MTUS1: variants seen among roughly 807,000 people sequenced by gnomAD.
The protein encoded by MTUS1 is microtubule associated scaffold protein 1.
MTUS1 carries 109 observed loss-of-function variants against 120.8 expected under a neutral mutation model. The ratio of observed to expected loss-of-function variants is 0.90; its 90% CI spans 0.77 to 1.06. MTUS1 has a LOEUF of 1.06. Ranked by LOEUF, MTUS1 falls within the 50% of genes least tolerant of loss-of-function variation. The pLI is 0.00. For synonymous variants in MTUS1, 737 were observed against 550.5 expected (o/e 1.34, Z -4.74); for missense variants, 2,210 against 1,486.3 (o/e 1.49, Z -8.01).
chr8:17,657,545 G>A (rs1179223431), intron 8 of MTUS1, among the ~76,000 whole-genome samples: 2 of 150,702 alleles, frequency 1.3e-5, no homozygotes, highest in Non-Finnish European at 3.0e-5. Flanking sequence ...TCCAGCCTGG[G>A]CGACAGAGAG....
At chr8:17,780,820 C>T (rs1395765296) in intron 1 of MTUS1, 1 of 152,178 alleles carries the variant, frequency 6.6e-6, no homozygotes, top group African/African-American at 2.4e-5. Context: ...CCTCCTATCA[C>T]ATCTAATACA....
chr8:17,713,243 C>T lies in MTUS1; in HGVS notation c.2594G>A (p.Arg865Lys). 1 of 1,579,280 alleles carries T rather than the reference C, an allele frequency of 6.3e-7. No individual in the cohort carries two copies. The highest frequency in any genetic ancestry group is 8.7e-7 in the Non-Finnish European group (1 of 1,150,932). ...LMKTPPKGPS[R>K]KNLFTALNAV... ...ATTAAGAGCTGTAAATAAATTTTTT[C>T]TCGAAGGACCTAAGATATAAAAGAA... The change falls in exon 6 of 15, where the codon AGA becomes AAA. Residue 865 changes from arginine (R) to lysine (K), a missense_variant. Transcript: ENST00000693296.
chr8:17,762,893 A>T (rs1401003559), intron 1 of MTUS1, among the ~76,000 whole-genome samples: 1 of 152,080 alleles, frequency 6.6e-6, no homozygotes, highest in Non-Finnish European at 1.5e-5. Context: ...GCCACCTTGG[A>T]TTAGCAAAGA....
intron 8 of MTUS1, among the ~76,000 whole-genome samples, chr8:17,662,529 GT>G (rs925127785): frequency 1.3e-5 from 2 of 151,508 alleles, no homozygotes; most frequent in Non-Finnish European, 2.9e-5. Flanking sequence ...CTAATTTTTT[GT>G]TTTTTAGTAG....
At chr8:17,696,667 C>T (rs903475903) in intron 6 of MTUS1, among the ~76,000 whole-genome samples, 1 of 152,106 alleles carries the variant, frequency 6.6e-6, no homozygotes, top group African/African-American at 2.4e-5. Context: ...TAAGCAGATA[C>T]AAACATAAAC....
At chr8:17,707,114 C>G (rs530129172) in intron 6 of MTUS1, among the ~76,000 whole-genome samples, 1 of 152,270 alleles carries the variant, frequency 6.6e-6, no homozygotes, top group African/African-American at 2.4e-5. Context: ...TGTGTGGAGG[C>G]AATGTCTTCT....
Position 17,743,753 on chromosome 8 carries a change from T to G in MTUS1, c.2138A>C (p.Lys713Thr). 1 of 1,614,142 alleles carries G rather than the reference T, an allele frequency of 6.2e-7. No homozygotes were observed. Among genetic ancestry groups the G allele is most frequent in the Admixed American group, 1.7e-5 (1 of 60,024 alleles). ...TTGCCTCAAACCGCAGGAGTCAGGC[T>G]TGGATATATTCCTACCTGAGGTGGT... ...TTTTSGRNIS[K>T]PDSCGLRQIA... The change falls in exon 3 of 15, where the codon AAG (lysine) becomes ACG (threonine). Residue 713 changes from lysine (K) to threonine (T), a missense_variant. By Grantham distance (78) the Lys-to-Thr change is moderately conservative (BLOSUM62 -1). Coordinates refer to ENST00000693296, the MANE Select transcript of MTUS1 (RefSeq NM_001363059.2).
At position 17,754,077 on chromosome 8, in the gene MTUS1, C is replaced by A. The variant is rs780748992; in HGVS notation, c.1731G>T (p.Gln577His). ...GGCTAGTAATGAGTTTATTAAACTG[C>A]TGCTTATGTGTCTTGTTAATTAGAA... Reference protein sequence around the residue: ...AEILINKTHKQQFNKLITSQA... With the variant: ...AEILINKTHKHQFNKLITSQA... The change falls in exon 2 of 15, where the codon CAG becomes CAT. Residue 577 changes from glutamine (Q) to histidine (H), a missense_variant. Physicochemically the swap from Gln to His is conservative, Grantham distance 24 (BLOSUM62 0). Transcript: ENST00000693296. The A allele has an allele frequency of 1.2e-6, 2 of 1,613,882 alleles. No individual in the cohort carries two copies. Among genetic ancestry groups the A allele is most frequent in the Non-Finnish European group, 1.7e-6 (2 of 1,180,012 alleles).
chr8:17,701,378 A>C (rs1012625724), intron 6 of MTUS1, among the ~76,000 whole-genome samples: 1 of 152,208 alleles, frequency 6.6e-6, no homozygotes, highest in Admixed American at 6.5e-5. Flanking sequence ...AACACAAAGC[A>C]ATTAGAAAAA....
At chr8:17,732,837 C>T (rs1308571043) in intron 3 of MTUS1, among the ~76,000 whole-genome samples, 2 of 152,092 alleles carry the variant, frequency 1.3e-5, no homozygotes, top group African/African-American at 2.4e-5. Context: ...CTGGCTTTAC[C>T]TTCAAGCACA....
At chr8:17,789,120 C>T (rs2051553442) in intron 1 of MTUS1, among the ~76,000 whole-genome samples, 1 of 151,982 alleles carries the variant, frequency 6.6e-6, no homozygotes, top group South Asian at 2.1e-4. Flanking sequence ...ACAACCTCCG[C>T]CTCCCAGGTT....
intron 1 of MTUS1, among the ~76,000 whole-genome samples, chr8:17,759,624 C>A (rs1432631391): frequency 7.0e-6 from 1 of 143,164 alleles, no homozygotes; most frequent in East Asian, 2.1e-4. Context: ...AGTTCTCTTT[C>A]TTTTTATATA....
intron 4 of MTUS1, among the ~76,000 whole-genome samples, chr8:17,718,266 C>A (rs1822710075): frequency 6.6e-6 from 1 of 152,184 alleles, no homozygotes; most frequent in South Asian, 2.1e-4. Context: ...AATTTTCCCT[C>A]AGCCAGAGTC....
chr8:17,798,054 T>C (rs1014731878), intron 1 of MTUS1, among the ~76,000 whole-genome samples: 2 of 152,234 alleles, frequency 1.3e-5, no homozygotes, highest in African/African-American at 4.8e-5. Context: ...CAATAATGAC[T>C]ATAAAAAGAA....
At chr8:17,774,202 C>G (rs1477028621) in intron 1 of MTUS1, among the ~76,000 whole-genome samples, 2 of 152,180 alleles carry the variant, frequency 1.3e-5, no homozygotes, top group East Asian at 3.9e-4. Context: ...CCCAGGCTGG[C>G]CTCCAATCTG....
intron 10 of MTUS1, chr8:17,654,335 C>G: frequency 1.8e-6 from 1 of 554,084 alleles, no homozygotes; most frequent in Non-Finnish European, 3.2e-6. Flanking sequence ...TCTTCCAAAG[C>G]CCATCCTATT....
intron 12 of MTUS1, among the ~76,000 whole-genome samples, chr8:17,652,762 G>C (rs1807294816): frequency 6.6e-6 from 1 of 151,686 alleles, no homozygotes; most frequent in African/African-American, 2.4e-5. Flanking sequence ...CTTGAACCCA[G>C]GAGGTGGACG....
rs768350414 is a variant in MTUS1, at chr8:17,656,072, A to G, written c.2906-7T>C. ...CAGGTGGTTGAAGCAGTGACTGAAAACAGAGGAGAAAGAAGAGGGAAGAGG... is the reference window on the plus strand; with the variant it reads ...CAGGTGGTTGAAGCAGTGACTGAAAGCAGAGGAGAAAGAAGAGGGAAGAGG... On this transcript the variant is annotated splice_region_variant and splice_polypyrimidine_tract_variant and intron_variant, in intron 8 of 14. Coordinates refer to ENST00000693296, the MANE Select transcript of MTUS1 (RefSeq NM_001363059.2). The G allele has an allele frequency of 1.2e-6, 2 of 1,613,842 alleles. No homozygotes were observed. Among genetic ancestry groups the G allele is most frequent in the Admixed American group, 3.3e-5 (2 of 60,026 alleles).
intron 1 of MTUS1, among the ~76,000 whole-genome samples, chr8:17,779,122 G>C (rs17125368): frequency 1.3e-5 from 2 of 152,080 alleles, no homozygotes; most frequent in Admixed American, 1.3e-4. Context: ...TTAGACCCCA[G>C]GAATAAGTAG....
Sources: allele counts gnomAD v4.1 joint callset (sites outside exome capture counted in the v4.1 genomes callset), GRCh38; gene constraint gnomAD v4.1.1; transcripts MANE v1.5; gene names NCBI Gene and HGNC (gene_info 2026-07-23, HGNC 2026-07-21).